Variants in ITSN2 observed in about 807,000 individuals in gnomAD.
ITSN2 encodes intersectin 2.
A neutral mutation model predicts 243.7 loss-of-function variants in ITSN2; 156 were observed. The ratio of observed to expected loss-of-function variants is 0.64; its 90% CI spans 0.56 to 0.73. ITSN2 has a LOEUF of 0.73. Ranked by LOEUF, ITSN2 falls within the 30% of genes least tolerant of loss-of-function variation. ITSN2 has a pLI of 0.00. For synonymous variants in ITSN2, 703 were observed against 699.9 expected (o/e 1.00, Z -0.07); for missense variants, 1,801 against 1,996.1 (o/e 0.90, Z 1.86).
intron 1 of ITSN2, chr2:24,334,728 T>C (rs1269688233): frequency 6.9e-6 from 11 of 1,585,976 alleles, no homozygotes; most frequent in East Asian, 2.2e-5. Flanking sequence ...CTTGAGTGCG[T>C]TGAGCCCAAC....
At chr2:24,209,284 T>A in intron 35 of ITSN2, 63 bp from the exon 36 acceptor site, 1 of 1,597,968 alleles carries the variant, frequency 6.3e-7, no homozygotes, top group African/African-American at 1.3e-5. Flanking sequence ...CCCGCCTATG[T>A]CCAGAGAGAG....
chr2:24,249,737 C>T lies in ITSN2; in HGVS notation c.3121-855G>A, dbSNP rs1673864398. On this transcript the variant is annotated intron_variant, in intron 25 of 39. Coordinates refer to ENST00000355123, the MANE Select transcript of ITSN2 (RefSeq NM_006277.3). This position sits in a 1 kb window ranked among gnomAD's most constrained non-coding sequence, Gnocchi z 4.4. ...GGTACAGTAACTTGTCCAAGGTCAC[C>T]CAGGCTCTAAGTGTTACAGCTAAGA... Among the ~76,000 whole-genome samples, 1 of 152,132 alleles carries T rather than the reference C, an allele frequency of 6.6e-6. No individual in the cohort carries two copies. Among genetic ancestry groups the T allele is most frequent in the South Asian group, 2.1e-4 (1 of 4,824 alleles).
chr2:24,314,452 G>A lies in ITSN2; in HGVS notation c.124+680C>T, dbSNP rs186415470. ...TTGTAACCTTAGGCAGTTACATAAC[G>A]TCTCTTAGTCTCAGTTTCACTATTT... is the stretch of plus-strand genomic sequence containing the variant. On this transcript the variant is annotated intron_variant, in intron 3 of 39. Transcript: ENST00000355123. Among the ~76,000 whole-genome samples, 5 of 152,232 alleles carry A rather than the reference G, an allele frequency of 3.3e-5. No individual in the cohort carries two copies. In the East Asian group the frequency reaches 5.8e-4, roughly 18 times the overall value.
At position 24,335,104 on chromosome 2, in the gene ITSN2, T is replaced by C. The variant is rs1212743673; in HGVS notation, c.-33-6989A>G. The C allele has an allele frequency of 1.9e-5, 4 of 207,062 alleles. No individual in the cohort carries two copies. The East Asian group carries it at 4.1e-4, about 21-fold the overall frequency. The allele number at this position is 207,062 out of a possible 1,614,324, so 12.8% of individuals were successfully genotyped here. A position where few individuals can be genotyped will look rare whatever the true frequency, so the allele number is the denominator to read the frequency against. On this transcript the variant is annotated intron_variant, in intron 1 of 39. Transcript: ENST00000355123. ...AAAAAAAAAAAAAAAGATGCAAGCA[T>C]TTTGAACTGGGAAGAGATAAGAGAA...
At chr2:24,323,769 T>G (rs1245836325) in intron 2 of ITSN2, among the ~76,000 whole-genome samples, 1 of 152,226 alleles carries the variant, frequency 6.6e-6, no homozygotes, top group African/African-American at 2.4e-5. Context: ...CCTGCCATAT[T>G]AGGAGTCCTC....
At position 24,209,094 on chromosome 2, in the gene ITSN2, A is replaced by G; in HGVS notation, c.4595+6T>C. On this transcript the variant is annotated splice_donor_region_variant and intron_variant, in intron 36 of 39. Coordinates refer to ENST00000355123, the MANE Select transcript of ITSN2 (RefSeq NM_006277.3). ...TCAAGGCAGGCCACACATGGTCAGGACTGACCTCTCATTAATGTTGTCTGT... is the reference window on the plus strand; with the variant it reads ...TCAAGGCAGGCCACACATGGTCAGGGCTGACCTCTCATTAATGTTGTCTGT... 3 of 1,613,968 alleles carry G rather than the reference A, an allele frequency of 1.9e-6. No homozygotes were observed. The highest frequency in any genetic ancestry group is 2.5e-6 in the Non-Finnish European group (3 of 1,179,910).
intron 2 of ITSN2, among the ~76,000 whole-genome samples, chr2:24,317,066 C>T (rs1420841770): frequency 2.0e-5 from 3 of 152,166 alleles, no homozygotes; most frequent in Non-Finnish European, 4.4e-5. Context: ...CTGGCCCCAA[C>T]AGTATTTTGG....
intron 15 of ITSN2, among the ~76,000 whole-genome samples, chr2:24,292,180 T>G (rs886307541): frequency 1.3e-4 from 20 of 152,210 alleles, no homozygotes; most frequent in African/African-American, 4.3e-4. Flanking sequence ...AAACAAAAGC[T>G]TCCTATTTTG....
intron 37 of ITSN2, chr2:24,205,556 A>G (rs546200642): frequency 7.1e-6 from 3 of 420,670 alleles, no homozygotes; most frequent in South Asian, 6.7e-5. Flanking sequence ...CTGATCCCAC[A>G]TCTACCTCCC....
chr2:24,344,813 G>A (rs1437988366), intron 1 of ITSN2, among the ~76,000 whole-genome samples: 1 of 152,118 alleles, frequency 6.6e-6, no homozygotes, highest in Non-Finnish European at 1.5e-5. Flanking sequence ...TTAGCTGGGC[G>A]TGGTGGCGGG....
chr2:24,299,796 GC>G lies in ITSN2; in HGVS notation c.1344+112del. The G allele has an allele frequency of 2.9e-5, 24 of 830,838 alleles. 1 individual carries two copies. The South Asian group carries it at 4.2e-4, about 14-fold the overall frequency. The allele number at this position is 830,838 out of a possible 1,614,324, so 51.5% of individuals were successfully genotyped here. On this transcript the variant is annotated intron_variant, in intron 12 of 39. Coordinates refer to ENST00000355123, the MANE Select transcript of ITSN2 (RefSeq NM_006277.3). ...TTGTATAGGGTAAGAATGAAATGAT[GC>G]AGAGCAAAAGGCAAAACAAAAATTC...
Position 24,310,659 on chromosome 2 carries a change from T to A in ITSN2, c.386A>T (p.Gln129Leu). ...TATAGGTGCAGCTGGAGGCAATGGC[T>A]GAGGAATGGACAGATTGGGCATGCT... ...MGSMPNLSIP[Q>L]PLPPAAPITS... Residue 129 changes from glutamine (Q) to leucine (L), a missense_variant, in exon 6 of 40, where the codon CAG (glutamine) becomes CTG (leucine). This residue lies in a region of ITSN2 where 787 missense variants were observed against 803.9 expected (regional missense o/e 0.98). Coordinates refer to ENST00000355123, the MANE Select transcript of ITSN2 (RefSeq NM_006277.3). 1 of 1,614,134 alleles carries A rather than the reference T, an allele frequency of 6.2e-7. No homozygotes were observed. The highest frequency in any genetic ancestry group is 8.5e-7 in the Non-Finnish European group (1 of 1,180,010).
chr2:24,247,246 A>G (rs1473416412), intron 27 of ITSN2, among the ~76,000 whole-genome samples: 2 of 152,182 alleles, frequency 1.3e-5, no homozygotes, highest in Non-Finnish European at 2.9e-5. Context: ...AAAACTGCAC[A>G]CCAAGGCTTT....
intron 36 of ITSN2, among the ~76,000 whole-genome samples, chr2:24,208,592 T>G (rs1369143461): frequency 6.6e-6 from 1 of 152,178 alleles, no homozygotes; most frequent in African/African-American, 2.4e-5. Context: ...GGATGATACC[T>G]GTCACGAGGG....
At chr2:24,337,656 T>C in intron 1 of ITSN2, among the ~76,000 whole-genome samples, 1 of 146,396 alleles carries the variant, frequency 6.8e-6, no homozygotes, top group African/African-American at 2.5e-5. Flanking sequence ...GGCTTTTTTT[T>C]TTTTTTTTTT....
At chr2:24,354,275 C>T (rs1290652866) in intron 1 of ITSN2, among the ~76,000 whole-genome samples, 1 of 152,188 alleles carries the variant, frequency 6.6e-6, no homozygotes, top group East Asian at 1.9e-4. Flanking sequence ...TTTTCATAGG[C>T]CCCTTGAGAA....
chr2:24,351,099 T>C (rs1302349124), intron 1 of ITSN2, among the ~76,000 whole-genome samples: 1 of 152,108 alleles, frequency 6.6e-6, no homozygotes, highest in African/African-American at 2.4e-5. Context: ...TATTTCAACC[T>C]CCCCACCTCC....
chr2:24,248,563 A>G (rs1050941656), intron 27 of ITSN2, 66 bp downstream of exon 27: 43 of 1,366,730 alleles, frequency 3.1e-5, no homozygotes, highest in Non-Finnish European at 4.0e-5. Context: ...TATTAATTTT[A>G]TCTTTTTTAT....
At chr2:24,210,180 C>T (rs908882559) in intron 34 of ITSN2, 147 bp from the exon 35 acceptor site, 5 of 617,556 alleles carry the variant, frequency 8.1e-6, no homozygotes, top group Non-Finnish European at 1.4e-5. Context: ...CATGAAAGAT[C>T]CTTAAATACA....
Sources: allele counts gnomAD v4.1 joint callset (sites outside exome capture counted in the v4.1 genomes callset), GRCh38; gene constraint gnomAD v4.1.1; regional missense constraint gnomAD v4.1.1; non-coding constraint Gnocchi (gnomAD v3.1); transcripts MANE v1.5; gene names NCBI Gene and HGNC (gene_info 2026-07-23, HGNC 2026-07-21).